Variants in TSC1 observed in about 807,000 individuals in gnomAD.
The protein encoded by TSC1 is hamartin.
A neutral mutation model predicts 124.3 loss-of-function variants in TSC1; 20 were observed. The ratio of observed to expected loss-of-function variants is 0.16; its 90% confidence interval spans 0.11 to 0.23. The LOEUF (loss-of-function observed/expected upper bound fraction) is 0.23. Ranked by LOEUF, TSC1 falls within the 10% of genes least tolerant of loss-of-function variation. The pLI is 1.00. For missense variants in TSC1, 1,124 were observed against 1,448.5 expected, an observed-to-expected ratio of 0.78 and a Z score of 3.64; for synonymous variants, 493 against 539.1, an observed-to-expected ratio of 0.91 and a Z score of 1.19.
intron 2 of TSC1, among the ~76,000 whole-genome samples, chr9:132,930,230 C>T (rs1194820201): frequency 3.3e-5 from 5 of 152,016 alleles, no homozygotes; most frequent in Admixed American, 3.3e-4. Context: ...AAGTGAGACA[C>T]AAATTATTTT....
rs1207273717 is a variant in TSC1 at position 132,894,644 on chromosome 9, A to C, written c.*1591T>G. On this transcript the variant is annotated 3_prime_UTR_variant, in exon 23 of 23. Transcript: ENST00000298552. The stretch of plus-strand genomic sequence containing the variant: ...TATAGCTAGGGTGACAGAGTCTCTA[A>C]CTGTCTAGTCCCCTTTAGTTAGGGA... 1 of 221,422 alleles carries C rather than the reference A, an allele frequency of 4.5e-6. No homozygotes were observed. The highest frequency in any genetic ancestry group is 2.3e-5 in the African/African-American group (1 of 43,830). The allele number at this position is 221,422 out of a possible 1,614,324, so 13.7% of individuals were successfully genotyped here. A position where few individuals can be genotyped will look rare whatever the true frequency, so the allele number is the denominator to read the frequency against.
intron 1 of TSC1, among the ~76,000 whole-genome samples, chr9:132,944,252 A>T (rs1005281016): frequency 1.3e-5 from 2 of 151,906 alleles, no homozygotes; most frequent in Non-Finnish European, 2.9e-5. Flanking sequence ...CCCCTGCCCG[A>T]GGGACCGAGG....
At chr9:132,919,666 A>G (rs1204608516) in intron 8 of TSC1, among the ~76,000 whole-genome samples, 1 of 152,224 alleles carries the variant, frequency 6.6e-6, no homozygotes, top group Non-Finnish European at 1.5e-5. Flanking sequence ...CCAAGAAAGA[A>G]GACAAGATAC....
chr9:132,892,664 C>T lies in TSC1; in HGVS notation c.*3571G>A. 1 of 233,380 alleles carries T rather than the reference C, an allele frequency of 4.3e-6. No individual in the cohort carries two copies. Among genetic ancestry groups the T allele is most frequent in the Admixed American group, 5.6e-5 (1 of 17,814 alleles). The allele number at this position is 233,380 out of a possible 1,614,324, so 14.5% of individuals were successfully genotyped here. On this transcript the variant is annotated 3_prime_UTR_variant, in exon 23 of 23. Transcript: ENST00000298552. ...GCTTTCAGCGAGAAAAGGTGAGTCT[C>T]ATTACGCAGAACTTTTGTTTGCTCT...
chr9:132,892,611 C>T lies in TSC1; in HGVS notation c.*3624G>A. ...CGCTCTGCCCAAACCCTCCTCCAGC[C>T]TGTGCAGGCCTCCTCCCACCTCTTA... is the stretch of plus-strand genomic sequence containing the variant. On this transcript the variant is annotated 3_prime_UTR_variant, in exon 23 of 23. Transcript: ENST00000298552. 4.3e-6 allele frequency: 1 copy of T among 233,372 alleles called. No homozygotes were observed. 14.5% of individuals were successfully genotyped at this position (233,372 alleles called of 1,614,324 possible).
intron 1 of TSC1, chr9:132,938,997 T>C (rs539924490): frequency 6.6e-6 from 1 of 152,358 alleles, no homozygotes; most frequent in South Asian, 2.1e-4. Flanking sequence ...TGAAGGCAGA[T>C]GTCTCTTCAC....
intron 4 of TSC1, chr9:132,926,689 T>G (rs10793946): frequency 0.16 from 26,612 of 167,428 alleles, 2,369 homozygotes; most frequent in African/African-American, 0.23. Flanking sequence ...CAAGATCTTT[T>G]TTTTTTTTGA....
intron 1 of TSC1, among the ~76,000 whole-genome samples, chr9:132,935,784 AC>A (rs1317701112): frequency 6.6e-6 from 1 of 152,088 alleles, no homozygotes; most frequent in African/African-American, 2.4e-5. Flanking sequence ...AAGAGAGTCT[AC>A]CTTTGGCTCC....
Position 132,902,601 on chromosome 9 carries a change from A to G in TSC1, c.2391+4T>C, listed in dbSNP as rs1266400441. On this transcript the variant is annotated splice_donor_region_variant and intron_variant, in intron 18 of 22. Coordinates refer to ENST00000298552, the MANE Select transcript of TSC1 (RefSeq NM_000368.5). This position sits in a 1 kb window ranked among gnomAD's most constrained non-coding sequence, Gnocchi z 5.2. ...TTGGCTTTGCCTGGTGCTGCAGTTTATACCTGTAATTCCTGGCTCTGGTTG... is the reference window on the plus strand; with the variant it reads ...TTGGCTTTGCCTGGTGCTGCAGTTTGTACCTGTAATTCCTGGCTCTGGTTG... The G allele has an allele frequency of 6.2e-7, 1 of 1,613,812 alleles. No homozygotes were observed. The highest frequency in any genetic ancestry group is 8.5e-7 in the Non-Finnish European group (1 of 1,180,034).
Position 132,893,584 on chromosome 9 carries a change from C to A in TSC1, c.*2651G>T, listed in dbSNP as rs55660990. ...GAATTCCATGCTGCACAGCAGCAGA[C>A]TTCGGGCTCCTCGGGGCCTGTGCTG... On this transcript the variant is annotated 3_prime_UTR_variant, in exon 23 of 23. Coordinates refer to ENST00000298552, the MANE Select transcript of TSC1 (RefSeq NM_000368.5). 0.039 allele frequency: 9,045 copies of A among 233,214 alleles called. 176 individuals are homozygous for A. The highest frequency in any genetic ancestry group is 0.046 in the Non-Finnish European group (5,408 of 117,984). The allele number at this position is 233,214 out of a possible 1,614,324, so 14.4% of individuals were successfully genotyped here.
intron 2 of TSC1, among the ~76,000 whole-genome samples, chr9:132,933,699 C>A (rs1847323595): frequency 6.6e-6 from 1 of 152,182 alleles, no homozygotes. Context: ...GTAGTGCCCA[C>A]AAAGTATTTT....
chr9:132,925,815 G>C (rs1299990096), intron 4 of TSC1, 76 bp from the exon 5 acceptor site: 1 of 1,550,732 alleles, frequency 6.4e-7, no homozygotes, highest in East Asian at 2.2e-5. Flanking sequence ...GCAATGATGT[G>C]CTCCAATCTC....
rs1845904525 is a variant in TSC1, at chr9:132,910,651, G to A, written c.1183C>T (p.Pro395Ser). Residue 395 changes from proline (P) to serine (S), a missense_variant, in exon 12 of 23, where the codon CCT becomes TCT. By Grantham distance (74) the Pro-to-Ser change is moderately conservative. Coordinates refer to ENST00000298552, the MANE Select transcript of TSC1 (RefSeq NM_000368.5). ...GTPLGTPATS[P>S]PPAPLCHSDD... ...GAATGACAGAGTGGGGCTGGAGGAG[G>A]AGAGGTTGCTGGGGTTCCCAGAGGA... 1 of 1,614,134 alleles carries A rather than the reference G, an allele frequency of 6.2e-7. No individual in the cohort carries two copies. Among genetic ancestry groups the A allele is most frequent in the South Asian group, 1.1e-5 (1 of 91,078 alleles).
chr9:132,915,376 G>GA (rs1354140444), intron 8 of TSC1, among the ~76,000 whole-genome samples: 2 of 152,018 alleles, frequency 1.3e-5, no homozygotes, highest in East Asian at 1.9e-4. Flanking sequence ...AATCTTAAAA[G>GA]AAAAAAAGAC....
Position 132,911,064 on chromosome 9 carries a change from G to T in TSC1, c.1079C>A (p.Thr360Asn), listed in dbSNP as rs118203493. 3.6e-4 allele frequency: 574 copies of T among 1,614,070 alleles called. 4 individuals carry two copies. Among genetic ancestry groups the T allele is most frequent in the Admixed American group, 1.0e-4 (6 of 60,008 alleles). ...ATCAGGTGGGACATTTCCAGGAGAA[G>T]TTGGAGGAGTGGTCATACCACAAAC... ...SMVCGMTTPP[T>N]SPGNVPPDLS... The change falls in exon 11 of 23, where the codon ACT (threonine) becomes AAT (asparagine). Residue 360 changes from threonine to asparagine, a missense_variant. Physicochemically the swap from Thr to Asn is moderately conservative, Grantham distance 65 (BLOSUM62 0). This residue lies in a region of TSC1 where 463 missense variants were observed against 606.8 expected (regional missense o/e 0.76). Transcript: ENST00000298552.
At chr9:132,901,853 G>GT (rs1845391600) in intron 18 of TSC1, 154 bp from the exon 19 acceptor site, 5 of 647,262 alleles carry the variant, frequency 7.7e-6, no homozygotes, top group Non-Finnish European at 1.3e-5. Flanking sequence ...GTTTTAAAAA[G>GT]TAAGTTATGG....
intron 11 of TSC1, 54 bp downstream of exon 11, chr9:132,910,947 GC>G (rs1845922666): frequency 6.6e-7 from 1 of 1,511,090 alleles, no homozygotes; most frequent in African/African-American, 1.4e-5. Flanking sequence ...AGCTCCTCCT[GC>G]CATTAAAGGC....
rs118203398 is a variant in TSC1 at position 132,921,927 on chromosome 9, G to A, written c.555C>T (p.Tyr185=). 2.7e-5 allele frequency: 44 copies of A among 1,614,022 alleles called. No homozygotes were observed. The highest frequency in any genetic ancestry group is 4.4e-5 in the South Asian group (4 of 91,086). ...TTCCATAAAGGCGATGAAAGAGTGC[G>A]TACACACTGGCATGGAGATGGACGA... ...VYLVHLHASV[Y]ALFHRLYGMY... is the part of the protein sequence containing the mutation. The change falls in exon 7 of 23, where the codon TAC becomes TAT. Residue 185 remains tyrosine, a synonymous_variant. Transcript: ENST00000298552. This position sits in a 1 kb window ranked among gnomAD's most constrained non-coding sequence, Gnocchi z 4.3.
At chr9:132,910,018 G>A (rs1845863762) in intron 12 of TSC1, 1 of 160,974 alleles carries the variant, frequency 6.2e-6, no homozygotes, top group African/African-American at 2.4e-5. Context: ...GGTGGGTTTG[G>A]TCAGGTGTGG....
Sources: gnomAD v4.1 joint callset for allele counts (sites outside exome capture counted in the v4.1 genomes callset) on GRCh38, gnomAD v4.1.1 for gene constraint, gnomAD v4.1.1 regional missense constraint, Gnocchi (gnomAD v3.1) non-coding constraint, MANE v1.5 for transcripts, NCBI Gene and HGNC (gene_info 2026-07-23, HGNC 2026-07-21) for gene names.